The following KIAA0319L variants were observed in gnomAD, a reference collection of about 807,000 sequenced individuals.
KIAA0319L encodes dyslexia-associated protein KIAA0319-like protein.
KIAA0319L carries 55 observed loss-of-function variants against 120.1 expected under a neutral mutation model. That is an observed-to-expected ratio of 0.46 (90% CI 0.37 to 0.57). KIAA0319L has a LOEUF of 0.57. Among genes scored for constraint, KIAA0319L ranks in the 20% least tolerant of loss-of-function variants. KIAA0319L has a pLI of 0.00. For synonymous variants in KIAA0319L, 398 were observed against 471.9 expected (o/e 0.84, Z 2.03); for missense variants, 1,049 against 1,255.3 (o/e 0.84, Z 2.48).
chr1:35,441,218 G>A (rs566153327), intron 19 of KIAA0319L, 80 bp from the exon 20 acceptor site: 4 of 1,296,498 alleles, frequency 3.1e-6, no homozygotes, highest in Non-Finnish European at 4.4e-6. Context: ...GTGCATGCAG[G>A]GCCCTATTTT....
intron 3 of KIAA0319L, among the ~76,000 whole-genome samples, chr1:35,497,672 GTA>G (rs767388125): frequency 2.6e-5 from 4 of 152,122 alleles, no homozygotes; most frequent in Admixed American, 6.5e-5. Context: ...AGAAGAACAA[GTA>G]TTCCATGTGG....
chr1:35,469,688 G>A (rs946265524), intron 6 of KIAA0319L, among the ~76,000 whole-genome samples: 1 of 151,708 alleles, frequency 6.6e-6, no homozygotes, highest in Admixed American at 6.6e-5. Context: ...CCTCTGCACT[G>A]ACCTAGTGTG....
chr1:35,552,708 C>T (rs1647336728), intron 2 of KIAA0319L, among the ~76,000 whole-genome samples: 1 of 152,018 alleles, frequency 6.6e-6, no homozygotes, highest in South Asian at 2.1e-4. Context: ...GTTGGAGGAT[C>T]GACTGAAGCC....
At chr1:35,454,692 C>T (rs1558316008) in intron 10 of KIAA0319L, 2 of 1,267,870 alleles carry the variant, frequency 1.6e-6, no homozygotes, top group East Asian at 5.5e-5. Flanking sequence ...AGGAAACAAC[C>T]CTCTCTGACA....
chr1:35,502,276 GAA>G (rs1213650955), intron 3 of KIAA0319L, among the ~76,000 whole-genome samples: 2 of 86,870 alleles, frequency 2.3e-5, no homozygotes, highest in Non-Finnish European at 2.4e-5. Context: ...TCTGTCTCAA[GAA>G]AAAAAAAAAA....
At chr1:35,527,657 A>G (rs1293185280) in intron 2 of KIAA0319L, among the ~76,000 whole-genome samples, 1 of 151,876 alleles carries the variant, frequency 6.6e-6, no homozygotes, top group Non-Finnish European at 1.5e-5. Context: ...GGATTCATCA[A>G]TTTCCTCTAG....
At chr1:35,442,780 CAG>C (rs1641321292) in intron 18 of KIAA0319L, 124 bp downstream of exon 18, 4 of 1,194,624 alleles carry the variant, frequency 3.3e-6, no homozygotes, top group Non-Finnish European at 4.8e-6. Flanking sequence ...CCTCTGCAAA[CAG>C]AAAATACACA....
Position 35,444,263 on chromosome 1 carries a change from G to C in KIAA0319L, c.2554C>G (p.Gln852Glu). ...GCCACCTCATGGCCTTTGAAGATCT[G>C]GTGGGGAGGCTCGTTTTGAACAAAA... ...VFFVQNEPPHQIFKGHEVAAM... is the reference protein window; with the variant it reads ...VFFVQNEPPHEIFKGHEVAAM... The change falls in exon 17 of 21, where the codon CAG becomes GAG. Residue 852 changes from glutamine (Q) to glutamate (E), a missense_variant. Physicochemically the swap from Gln to Glu is conservative, Grantham distance 29. Transcript: ENST00000325722. 9 of 1,608,936 alleles carry C rather than the reference G, an allele frequency of 5.6e-6. No individual in the cohort carries two copies. The highest frequency in any genetic ancestry group is 1.7e-4 in the Middle Eastern group (1 of 6,042).
chr1:35,488,451 C>T (rs1644468295), intron 3 of KIAA0319L, among the ~76,000 whole-genome samples: 1 of 152,124 alleles, frequency 6.6e-6, no homozygotes, highest in Admixed American at 6.5e-5. Flanking sequence ...AAATAGACTA[C>T]AGAAGAGCAA....
chr1:35,439,452 C>G (rs1293739145), intron 20 of KIAA0319L: 6 of 152,214 alleles, frequency 3.9e-5, no homozygotes, highest in Admixed American at 3.9e-4. Context: ...GGCACAGGGC[C>G]TGGCACATAG....
intron 3 of KIAA0319L, among the ~76,000 whole-genome samples, chr1:35,488,013 A>G (rs1035669106): frequency 3.3e-5 from 5 of 152,162 alleles, no homozygotes; most frequent in African/African-American, 1.2e-4. Context: ...TTTTTCTATC[A>G]TGAACTCTGT....
chr1:35,505,578 C>T (rs1004976967), intron 3 of KIAA0319L, among the ~76,000 whole-genome samples: 1 of 152,206 alleles, frequency 6.6e-6, no homozygotes, highest in Non-Finnish European at 1.5e-5. Flanking sequence ...AGGGAATGAA[C>T]CATTCTTATT....
At chr1:35,480,181 T>C (rs1345750472) in intron 3 of KIAA0319L, among the ~76,000 whole-genome samples, 1 of 152,022 alleles carries the variant, frequency 6.6e-6, no homozygotes, top group African/African-American at 2.4e-5. Flanking sequence ...ACATGGTCTG[T>C]ATTGGGAACT....
At chr1:35,535,793 A>C (rs1570990105) in intron 2 of KIAA0319L, among the ~76,000 whole-genome samples, 1 of 152,084 alleles carries the variant, frequency 6.6e-6, no homozygotes, top group Non-Finnish European at 1.5e-5. Flanking sequence ...ATATACCTCT[A>C]TCATAGCATT....
Position 35,557,326 on chromosome 1 carries a change from A to C in KIAA0319L, c.-148T>G. ...CACCCGGAGGAGGAGGAGGAAGAGG[A>C]AGAAGGTAGTGCGGGCTCCCCACCC... On this transcript the variant is annotated 5_prime_UTR_variant, in exon 1 of 21. Coordinates refer to ENST00000325722, the MANE Select transcript of KIAA0319L (RefSeq NM_024874.5). 1 of 253,502 alleles carries C rather than the reference A, an allele frequency of 3.9e-6. No individual in the cohort carries two copies. The highest frequency in any genetic ancestry group is 3.3e-5 in the South Asian group (1 of 30,116). The allele number at this position is 253,502 out of a possible 1,614,324, so 15.7% of individuals were successfully genotyped here.
rs1057335625 is a variant in KIAA0319L at position 35,506,425 on chromosome 1, A to G, written c.666+187T>C. Among the ~76,000 whole-genome samples, 2 of 152,194 alleles carry G rather than the reference A, an allele frequency of 1.3e-5. No homozygotes were observed. The highest frequency in any genetic ancestry group is 2.9e-5 in the Non-Finnish European group (2 of 68,036). ...CAATGGTCAGACCTACATAGCATGA[A>G]CATCTCTAGGGTCAAATTACCCTTT... On this transcript the variant is annotated intron_variant, in intron 3 of 20. Coordinates refer to ENST00000325722, the MANE Select transcript of KIAA0319L (RefSeq NM_024874.5). This position sits in a 1 kb window ranked among gnomAD's most constrained non-coding sequence, Gnocchi z 4.0.
At chr1:35,475,000 T>C (rs1643856305) in intron 4 of KIAA0319L, 94 bp from the exon 5 acceptor site, 2 of 723,870 alleles carry the variant, frequency 2.8e-6, no homozygotes, top group Admixed American at 5.5e-5. Flanking sequence ...TCATGATCAA[T>C]ATTCAGCTAC....
intron 2 of KIAA0319L, among the ~76,000 whole-genome samples, chr1:35,523,469 G>C (rs1646005738): frequency 6.6e-6 from 1 of 152,202 alleles, no homozygotes; most frequent in African/African-American, 2.4e-5. Context: ...ATGAACAAAA[G>C]AAATGTCAGG....
chr1:35,442,233 A>AAATC lies in KIAA0319L; in HGVS notation c.2870+9_2870+12dup, dbSNP rs1391292198. 2.5e-6 allele frequency: 4 copies of AAATC among 1,596,554 alleles called. No individual in the cohort carries two copies. The highest frequency in any genetic ancestry group is 2.6e-6 in the Non-Finnish European group (3 of 1,164,146). ...AGAAGCCCGAATGAATTTCAAAGGAAAATCCATCTTACCTCTTACAACAAC... is the reference window on the plus strand; with the variant it reads ...AGAAGCCCGAATGAATTTCAAAGGAAAATCAATCCATCTTACCTCTTACAACAAC... On this transcript the variant is annotated intron_variant, in intron 19 of 20. Coordinates refer to ENST00000325722, the MANE Select transcript of KIAA0319L (RefSeq NM_024874.5).
Sources: allele counts gnomAD v4.1 joint callset (sites outside exome capture counted in the v4.1 genomes callset), GRCh38; gene constraint gnomAD v4.1.1; non-coding constraint Gnocchi (gnomAD v3.1); transcripts MANE v1.5; gene names NCBI Gene and HGNC (gene_info 2026-07-23, HGNC 2026-07-21).